The following MACROD2 variants were observed in gnomAD, a reference collection of about 807,000 sequenced individuals.
MACROD2 encodes the protein mono-ADP ribosylhydrolase 2, also known as ADP-ribose glycohydrolase MACROD2.
MACROD2 carries 36 observed loss-of-function variants against 70.4 expected under a neutral mutation model. The ratio of observed to expected loss-of-function variants is 0.51; its 90% confidence interval spans 0.39 to 0.68. The LOEUF is 0.68. MACROD2 is among the 30% of genes least tolerant of loss of function. MACROD2 has a pLI of 0.00. For missense variants in MACROD2, 496 were observed against 538.4 expected (o/e 0.92, Z 0.78); for synonymous variants, 172 against 178.8 (o/e 0.96, Z 0.30).
intron 6 of MACROD2, among the ~76,000 whole-genome samples, chr20:15,249,531 C>T (rs2077136005): frequency 6.6e-6 from 1 of 152,166 alleles, no homozygotes; most frequent in African/African-American, 2.4e-5. Context: ...ATTACCTTAG[C>T]ATGTGCTTCC....
chr20:14,003,878 G>T (rs1383167769), intron 2 of MACROD2, among the ~76,000 whole-genome samples: 2 of 152,172 alleles, frequency 1.3e-5, no homozygotes, highest in African/African-American at 4.8e-5. Context: ...ACAGAATTCT[G>T]GTCCTCTGTC....
At chr20:15,431,191 G>A (rs2046359549) in intron 6 of MACROD2, among the ~76,000 whole-genome samples, 1 of 151,908 alleles carries the variant, frequency 6.6e-6, no homozygotes, top group Non-Finnish European at 1.5e-5. Context: ...TGAAAACTTA[G>A]CAGTTGGTTC....
chr20:15,771,140 G>T (rs2051617728), intron 8 of MACROD2, among the ~76,000 whole-genome samples: 1 of 152,072 alleles, frequency 6.6e-6, no homozygotes, highest in Admixed American at 6.5e-5. Context: ...AGGCAGCAGG[G>T]ACTCAGCCTC....
chr20:14,261,263 T>C (rs990477291), intron 3 of MACROD2, among the ~76,000 whole-genome samples: 4 of 24,548 alleles, frequency 1.6e-4, no homozygotes, highest in Non-Finnish European at 8.3e-4. Context: ...GTAAGTGAAG[T>C]TTTTTTATTT....
intron 5 of MACROD2, among the ~76,000 whole-genome samples, chr20:15,161,228 C>T (rs2076346022): frequency 6.6e-6 from 1 of 151,718 alleles, no homozygotes; most frequent in Admixed American, 6.6e-5. Flanking sequence ...CAACTGAGGA[C>T]ATAATATGCT....
At chr20:14,504,273 CACAT>C (rs1246700956) in intron 4 of MACROD2, among the ~76,000 whole-genome samples, 2 of 152,144 alleles carry the variant, frequency 1.3e-5, no homozygotes, top group Non-Finnish European at 2.9e-5. Flanking sequence ...GTAAGAATTG[CACAT>C]ACATTATCTA....
rs573828721 is a variant in MACROD2, at chr20:14,962,640, T to G, written c.419-267300T>G. 2.0e-5 allele frequency among the ~76,000 whole-genome samples: 3 copies of G among 151,484 alleles called. 1 individual carries two copies. The South Asian group carries it at 6.3e-4, about 32-fold the overall frequency. On this transcript the variant is annotated intron_variant, in intron 5 of 17. Coordinates refer to ENST00000684519, the MANE Select transcript of MACROD2 (RefSeq NM_001351661.2). The stretch of plus-strand genomic sequence containing the variant: ...AGTCTGTAAAAAGAATACCTCCTCT[T>G]CCTCTTTTCTTCCTCCTCCTCTTCT...
chr20:14,476,461 T>A (rs1054586285), intron 3 of MACROD2, among the ~76,000 whole-genome samples: 1 of 152,194 alleles, frequency 6.6e-6, no homozygotes, highest in African/African-American at 2.4e-5. Flanking sequence ...GCTCAAGCGA[T>A]TCTCATGCCT....
chr20:15,120,677 C>T (rs1295685591), intron 5 of MACROD2, among the ~76,000 whole-genome samples: 2 of 152,304 alleles, frequency 1.3e-5, no homozygotes, highest in East Asian at 3.9e-4. Context: ...TTTATCCCTT[C>T]ATGTTACTGT....
chr20:16,037,382 A>G (rs1169396884), intron 15 of MACROD2, among the ~76,000 whole-genome samples: 1 of 151,966 alleles, frequency 6.6e-6, no homozygotes, highest in African/African-American at 2.4e-5. Context: ...GGTTATTACC[A>G]TTGAGAGTAA....
intron 6 of MACROD2, among the ~76,000 whole-genome samples, chr20:15,287,251 A>G (rs890668700): frequency 6.6e-6 from 1 of 152,244 alleles, no homozygotes; most frequent in African/African-American, 2.4e-5. Context: ...TATTTTCTCA[A>G]TAAATATTGT....
At chr20:15,211,711 G>A (rs534639449) in intron 5 of MACROD2, among the ~76,000 whole-genome samples, 57 of 151,920 alleles carry the variant, frequency 3.8e-4, no homozygotes, top group African/African-American at 1.2e-3. Context: ...TGCTGGTGTC[G>A]TGCTTCCTGT....
intron 3 of MACROD2, among the ~76,000 whole-genome samples, chr20:14,431,438 A>G (rs940167841): frequency 3.9e-5 from 6 of 152,294 alleles, no homozygotes; most frequent in Admixed American, 3.9e-4. Context: ...TAAAACTACT[A>G]AAAACACAGA....
chr20:15,950,525 A>G (rs1164840169), intron 12 of MACROD2, among the ~76,000 whole-genome samples: 1 of 152,180 alleles, frequency 6.6e-6, no homozygotes, highest in Non-Finnish European at 1.5e-5. Flanking sequence ...AGACAAAAAC[A>G]AAAACTAAAC....
chr20:15,481,482 C>A (rs896920746), intron 7 of MACROD2, among the ~76,000 whole-genome samples: 3 of 151,990 alleles, frequency 2.0e-5, no homozygotes, highest in Non-Finnish European at 2.9e-5. Flanking sequence ...ATGTATATTT[C>A]TATGTATATG....
At chr20:14,764,506 T>C (rs950755433) in intron 5 of MACROD2, among the ~76,000 whole-genome samples, 3 of 152,076 alleles carry the variant, frequency 2.0e-5, no homozygotes, top group African/African-American at 7.3e-5. Context: ...AGAAAAAAAC[T>C]CTTACAAGCT....
intron 3 of MACROD2, among the ~76,000 whole-genome samples, chr20:14,489,650 G>T (rs1568636321): frequency 6.6e-6 from 1 of 152,114 alleles, no homozygotes; most frequent in African/African-American, 2.4e-5. Context: ...CTGTTAGGAT[G>T]AAAACAAGTA....
At chr20:14,265,686 T>G (rs1459910983) in intron 3 of MACROD2, among the ~76,000 whole-genome samples, 4 of 152,264 alleles carry the variant, frequency 2.6e-5, no homozygotes, top group African/African-American at 7.2e-5. Flanking sequence ...CCCTACTATA[T>G]CTCACATTTT....
At position 14,471,644 on chromosome 20, in the gene MACROD2, T is replaced by C. The variant is rs984441958; in HGVS notation, c.272-21835T>C. On this transcript the variant is annotated intron_variant, in intron 3 of 17. Coordinates refer to ENST00000684519, the MANE Select transcript of MACROD2 (RefSeq NM_001351661.2). ...AGTTCATGCGAATTTTACTAATTTT[T>C]GTTTCATTGATTTATGAATTCAAGC... is the stretch of plus-strand genomic sequence containing the variant. 3.3e-5 allele frequency among the ~76,000 whole-genome samples: 5 copies of C among 152,204 alleles called. No individual in the cohort carries two copies. The East Asian group carries it at 7.7e-4, about 23-fold the overall frequency.
Sources: allele counts gnomAD v4.1 joint callset (sites outside exome capture counted in the v4.1 genomes callset), GRCh38; gene constraint gnomAD v4.1.1; transcripts MANE v1.5; gene names NCBI Gene and HGNC (gene_info 2026-07-23, HGNC 2026-07-21).